Variants in GRID2 observed in about 807,000 individuals in gnomAD.
GRID2 encodes the protein glutamate receptor ionotropic, delta-2.
Under a neutral mutation model 114.8 loss-of-function variants are expected in GRID2, and 33 were observed. That is an observed-to-expected ratio of 0.29 (90% confidence interval 0.22 to 0.38). GRID2 has a LOEUF of 0.38. GRID2 is among the 10% of genes least tolerant of loss of function. GRID2 has a pLI of 1.00. For synonymous variants in GRID2, 505 were observed against 449.9 expected (o/e 1.12, Z -1.55); for missense variants, 1,184 against 1,257.7 (o/e 0.94, Z 0.89).
At chr4:93,246,890 G>C (rs1392073037) in intron 8 of GRID2, among the ~76,000 whole-genome samples, 1 of 152,104 alleles carries the variant, frequency 6.6e-6, no homozygotes, top group Non-Finnish European at 1.5e-5. Flanking sequence ...TATATTCTGT[G>C]GACCAAATTG....
At chr4:93,633,516 T>G (rs1449420650) in intron 14 of GRID2, among the ~76,000 whole-genome samples, 1 of 152,132 alleles carries the variant, frequency 6.6e-6, no homozygotes, top group Non-Finnish European at 1.5e-5. Context: ...ATTCAATAAT[T>G]ATTTCATACA....
intron 4 of GRID2, among the ~76,000 whole-genome samples, chr4:93,151,628 A>G (rs565082319): frequency 1.3e-5 from 2 of 152,282 alleles, no homozygotes; most frequent in African/African-American, 4.8e-5. Context: ...TTAGAATAAT[A>G]GTGATATAAA....
At chr4:93,580,967 G>A (rs1379136005) in intron 13 of GRID2, among the ~76,000 whole-genome samples, 1 of 151,764 alleles carries the variant, frequency 6.6e-6, no homozygotes, top group East Asian at 1.9e-4. Context: ...TATATTTAAT[G>A]TAAGTTCTGG....
At chr4:92,707,808 T>A (rs1019133233) in intron 2 of GRID2, among the ~76,000 whole-genome samples, 3 of 152,230 alleles carry the variant, frequency 2.0e-5, no homozygotes, top group African/African-American at 7.2e-5. Flanking sequence ...TGAAGGAAGT[T>A]CGACTGTGTT....
rs150472819 is a variant in GRID2 at position 92,416,735 on chromosome 4, C to G, written c.88+111991C>G. 3.2e-3 allele frequency among the ~76,000 whole-genome samples: 484 copies of G among 152,016 alleles called. 4 individuals carry two copies. The highest frequency in any genetic ancestry group is 0.011 in the African/African-American group (447 of 41,506). On this transcript the variant is annotated intron_variant, in intron 1 of 15. Coordinates refer to ENST00000282020, the MANE Select transcript of GRID2 (RefSeq NM_001510.4). Reference sequence around the variant, plus strand: ...CTGTAAATATTTGGCTTTATTTCTGCGTTCTCCATTCTGTTCCATTGGTCT... The same window carrying G: ...CTGTAAATATTTGGCTTTATTTCTGGGTTCTCCATTCTGTTCCATTGGTCT...
intron 11 of GRID2, among the ~76,000 whole-genome samples, chr4:93,487,077 T>C (rs1726487789): frequency 6.6e-6 from 1 of 151,800 alleles, no homozygotes; most frequent in Non-Finnish European, 1.5e-5. Flanking sequence ...CCATATCATC[T>C]TAATTTTCAA....
At chr4:92,385,304 T>A (rs939905190) in intron 1 of GRID2, among the ~76,000 whole-genome samples, 1 of 151,310 alleles carries the variant, frequency 6.6e-6, no homozygotes, top group Non-Finnish European at 1.5e-5. Flanking sequence ...CTGAGGAGTT[T>A]CTACAAATTG....
At chr4:92,690,693 A>G (rs1734143053) in intron 2 of GRID2, among the ~76,000 whole-genome samples, 5 of 152,170 alleles carry the variant, frequency 3.3e-5, no homozygotes. Context: ...TCAGTGATCT[A>G]TATCCTGAAA....
chr4:93,651,162 G>A (rs995054108), intron 14 of GRID2, among the ~76,000 whole-genome samples: 5 of 152,114 alleles, frequency 3.3e-5, no homozygotes, highest in African/African-American at 9.7e-5. Context: ...ATTCCCTTCA[G>A]AGTTTCTCAT....
At chr4:93,104,651 G>A (rs1001010934) in intron 3 of GRID2, among the ~76,000 whole-genome samples, 1 of 152,154 alleles carries the variant, frequency 6.6e-6, no homozygotes, top group African/African-American at 2.4e-5. Context: ...CATTTTTTAT[G>A]GCTGCATAGT....
intron 13 of GRID2, among the ~76,000 whole-genome samples, chr4:93,560,156 G>A (rs1025775297): frequency 3.8e-5 from 5 of 130,292 alleles, no homozygotes; most frequent in Admixed American, 9.2e-5. Flanking sequence ...GCAGCAAACC[G>A]CCATGGCAAG....
chr4:93,018,978 A>C (rs1039739402), intron 2 of GRID2, among the ~76,000 whole-genome samples: 4 of 152,168 alleles, frequency 2.6e-5, no homozygotes, highest in Non-Finnish European at 5.9e-5. Flanking sequence ...CAGAAAATGC[A>C]TATTTAGTAG....
intron 1 of GRID2, among the ~76,000 whole-genome samples, chr4:93,801,481 T>C (rs1190907307): frequency 6.6e-6 from 1 of 152,046 alleles, no homozygotes; most frequent in Non-Finnish European, 1.5e-5. Flanking sequence ...AAACAGAGAC[T>C]TCTAAATAAA....
intron 1 of GRID2, among the ~76,000 whole-genome samples, chr4:92,343,119 A>C (rs2110166713): frequency 6.6e-6 from 1 of 152,242 alleles, no homozygotes; most frequent in Admixed American, 6.5e-5. Context: ...TAAGCTTATT[A>C]TATTCTCAAT....
intron 1 of GRID2, among the ~76,000 whole-genome samples, chr4:93,790,847 C>T (rs1034888243): frequency 2.0e-5 from 3 of 152,132 alleles, no homozygotes; most frequent in African/African-American, 4.8e-5. Context: ...AGTTACTGAA[C>T]GTCTCTGTGT....
At chr4:93,223,027 G>A (rs888219992) in intron 6 of GRID2, among the ~76,000 whole-genome samples, 9 of 152,138 alleles carry the variant, frequency 5.9e-5, no homozygotes, top group African/African-American at 2.2e-4. Flanking sequence ...AGAACCAGGA[G>A]GGGTTAGGAA....
intron 1 of GRID2, among the ~76,000 whole-genome samples, chr4:92,398,534 A>G (rs1476271281): frequency 6.6e-6 from 1 of 152,178 alleles, no homozygotes; most frequent in Non-Finnish European, 1.5e-5. Flanking sequence ...CCTGGGCTCA[A>G]GTGATCTACC....
chr4:92,467,498 T>C (rs1376760104), intron 1 of GRID2, among the ~76,000 whole-genome samples: 1 of 152,002 alleles, frequency 6.6e-6, no homozygotes, highest in Non-Finnish European at 1.5e-5. Flanking sequence ...AGTGAGACTT[T>C]ATATTATTTA....
At chr4:93,174,742 A>T (rs1156538365) in intron 4 of GRID2, among the ~76,000 whole-genome samples, 3 of 152,312 alleles carry the variant, frequency 2.0e-5, no homozygotes, top group Non-Finnish European at 2.9e-5. Context: ...TAGGACTTCC[A>T]GCTTCCAGAA....
Sources: allele counts gnomAD v4.1 joint callset (sites outside exome capture counted in the v4.1 genomes callset), GRCh38; gene constraint gnomAD v4.1.1; transcripts MANE v1.5; gene names NCBI Gene and HGNC (gene_info 2026-07-23, HGNC 2026-07-21).